PARD3B: variants seen among roughly 807,000 people sequenced by gnomAD.
PARD3B encodes partitioning defective 3 homolog B.
PARD3B carries 103 observed loss-of-function variants against 130.2 expected under a neutral mutation model. The observed-to-expected ratio is 0.79, with a 90% confidence interval of 0.67 to 0.93. The LOEUF (loss-of-function observed/expected upper bound fraction) is 0.93. Among genes scored for constraint, PARD3B ranks in the 40% least tolerant of loss-of-function variants. The pLI, the probability that PARD3B is intolerant of heterozygous loss-of-function variation, is 0.00. For synonymous variants in PARD3B, 583 were observed against 553.2 expected (o/e 1.05, Z -0.76); for missense variants, 1,609 against 1,499.2 (o/e 1.07, Z -1.21).
intron 2 of PARD3B, among the ~76,000 whole-genome samples, chr2:204,838,838 T>C (rs1040167403): frequency 6.6e-6 from 1 of 152,192 alleles, no homozygotes; most frequent in Non-Finnish European, 1.5e-5. Flanking sequence ...TGTACATCTA[T>C]TGTGTATCAA....
At chr2:205,168,320 A>AGTGTGTGTGTGTGTGT (rs1553630288) in intron 11 of PARD3B, among the ~76,000 whole-genome samples, 1 of 119,690 alleles carries the variant, frequency 8.4e-6, no homozygotes, top group Non-Finnish European at 1.7e-5. Context: ...AGAGAGAGAG[A>AGTGTGTGTGTGTGTGT]GTGTGTGTGT....
intron 16 of PARD3B, among the ~76,000 whole-genome samples, chr2:205,279,193 G>A (rs1222200539): frequency 1.3e-5 from 2 of 148,744 alleles, no homozygotes; most frequent in African/African-American, 5.0e-5. Context: ...AAGTGGTCAT[G>A]TTGCCAACAC....
chr2:204,667,655 C>T (rs2036086801), intron 1 of PARD3B, among the ~76,000 whole-genome samples: 1 of 152,124 alleles, frequency 6.6e-6, no homozygotes, highest in Non-Finnish European at 1.5e-5. Flanking sequence ...TTTTTGTGTG[C>T]ATGTGAATGT....
chr2:205,351,469 C>T lies in PARD3B; in HGVS notation c.2631-49544C>T, dbSNP rs1346940540. ...GGTGCTGGAGGGATTTTGCCAACTG[C>T]ACCTGGTGCTGAGTGAGTGGTAGCA... On this transcript the variant is annotated intron_variant, in intron 18 of 22. Coordinates refer to ENST00000406610, the MANE Select transcript of PARD3B (RefSeq NM_001302769.2). This position sits in a 1 kb window ranked among gnomAD's most constrained non-coding sequence, Gnocchi z 4.2. Among the ~76,000 whole-genome samples, 1 of 152,098 alleles carries T rather than the reference C, an allele frequency of 6.6e-6. No homozygotes were observed. Among genetic ancestry groups the T allele is most frequent in the Non-Finnish European group, 1.5e-5 (1 of 68,028 alleles).
chr2:204,823,533 A>G (rs2043448650), intron 2 of PARD3B, among the ~76,000 whole-genome samples: 1 of 152,156 alleles, frequency 6.6e-6, no homozygotes, highest in Non-Finnish European at 1.5e-5. Context: ...AAGAAATAGT[A>G]TGAGGCCCTA....
chr2:205,601,650 T>C lies in PARD3B; in HGVS notation c.3261-13806T>C, dbSNP rs1019037992. 3.3e-5 allele frequency among the ~76,000 whole-genome samples: 5 copies of C among 152,334 alleles called. No homozygotes were observed. In the East Asian group the frequency reaches 9.6e-4, roughly 29 times the overall value. On this transcript the variant is annotated intron_variant, in intron 22 of 22. Transcript: ENST00000406610. ...GTTTTGGGTTTTACATTTAGGTCTT[T>C]AATCCATCTTGAGTTAATTTTTATG...
chr2:204,639,948 A>G (rs1012181505), intron 1 of PARD3B, among the ~76,000 whole-genome samples: 1 of 152,100 alleles, frequency 6.6e-6, no homozygotes, highest in Non-Finnish European at 1.5e-5. Context: ...TGTATCTTCT[A>G]CTTGCCCTTA....
At chr2:204,985,366 G>GCTT (rs1693043040) in intron 3 of PARD3B, among the ~76,000 whole-genome samples, 1 of 152,150 alleles carries the variant, frequency 6.6e-6, no homozygotes, top group Admixed American at 6.5e-5. Context: ...AAGTGGTTGA[G>GCTT]TGGATACTAC....
At chr2:205,114,743 A>G (rs1703904272) in intron 6 of PARD3B, among the ~76,000 whole-genome samples, 1 of 110,042 alleles carries the variant, frequency 9.1e-6, no homozygotes, top group Non-Finnish European at 1.8e-5. Context: ...TGTAATTGCG[A>G]AGTCATCACC....
chr2:205,236,439 C>A (rs2039066004), intron 15 of PARD3B, among the ~76,000 whole-genome samples: 1 of 151,718 alleles, frequency 6.6e-6, no homozygotes, highest in Non-Finnish European at 1.5e-5. Flanking sequence ...ATTTGGCACA[C>A]ACACAGATGA....
At chr2:205,279,065 T>C (rs1311955071) in intron 16 of PARD3B, among the ~76,000 whole-genome samples, 7 of 51,752 alleles carry the variant, frequency 1.4e-4, no homozygotes. Flanking sequence ...AGCAAGAATC[T>C]GTCTCAAAAA....
chr2:205,180,056 A>G (rs2125771926), intron 13 of PARD3B, among the ~76,000 whole-genome samples: 1 of 152,040 alleles, frequency 6.6e-6, no homozygotes. Flanking sequence ...AACAATTTTT[A>G]CATCAGTGAA....
rs1383328719 is a variant in PARD3B, at chr2:204,573,168, G to A, written c.120+27049G>A. 3.3e-5 allele frequency among the ~76,000 whole-genome samples: 5 copies of A among 152,290 alleles called. No individual in the cohort carries two copies. In the South Asian group the frequency reaches 8.3e-4, roughly 25 times the overall value. On this transcript the variant is annotated intron_variant, in intron 1 of 22. Coordinates refer to ENST00000406610, the MANE Select transcript of PARD3B (RefSeq NM_001302769.2). ...CTCAAGTGTGATGCTGGAGTGAAAT[G>A]TAAGAGGCACTCTGAAATTGACCCA...
Position 205,371,142 on chromosome 2 carries a change from G to T in PARD3B, c.2631-29871G>T, listed in dbSNP as rs528824729. ...ATTGAAAATCATCTTGGAAAAGTGG[G>T]GATCTTTCCCATCACTCTATTAGCT... On this transcript the variant is annotated intron_variant, in intron 18 of 22. Coordinates refer to ENST00000406610, the MANE Select transcript of PARD3B (RefSeq NM_001302769.2). Among the ~76,000 whole-genome samples, 30 of 152,118 alleles carry T rather than the reference G, an allele frequency of 2.0e-4. 1 individual carries two copies. The highest frequency in any genetic ancestry group is 7.0e-4 in the African/African-American group (29 of 41,474).
At chr2:204,738,345 T>C (rs549389960) in intron 2 of PARD3B, among the ~76,000 whole-genome samples, 1 of 152,310 alleles carries the variant, frequency 6.6e-6, no homozygotes, top group South Asian at 2.1e-4. Context: ...TAAAAGGGAT[T>C]GAGATCTTGA....
intron 22 of PARD3B, among the ~76,000 whole-genome samples, chr2:205,561,053 A>G (rs773117928): frequency 1.3e-5 from 2 of 152,222 alleles, no homozygotes; most frequent in Non-Finnish European, 2.9e-5. Flanking sequence ...GTGCGCAGGT[A>G]ACTTTGAAAC....
chr2:204,998,110 G>C (rs1220362515), intron 3 of PARD3B, among the ~76,000 whole-genome samples: 1 of 148,976 alleles, frequency 6.7e-6, no homozygotes, highest in Admixed American at 6.7e-5. Flanking sequence ...AGGCAAGAAA[G>C]ACAAATATAA....
rs576039512 is a variant in PARD3B, at chr2:205,420,978, T to C, written c.2742-19392T>C. On this transcript the variant is annotated intron_variant, in intron 19 of 22. Transcript: ENST00000406610. ...CAACATGGTGAAACCCCATCTCTAC[T>C]AAAAATACAAAAATTAGCTGGATGT... 2.0e-5 allele frequency among the ~76,000 whole-genome samples: 3 copies of C among 152,098 alleles called. No homozygotes were observed. The South Asian group carries it at 6.2e-4, about 32-fold the overall frequency.
At chr2:205,403,521 A>G (rs2046321952) in intron 19 of PARD3B, among the ~76,000 whole-genome samples, 1 of 152,044 alleles carries the variant, frequency 6.6e-6, no homozygotes, top group African/African-American at 2.4e-5. Flanking sequence ...GGCAGGAAAA[A>G]AAAAACCAAA....
Sources: allele counts gnomAD v4.1 joint callset (sites outside exome capture counted in the v4.1 genomes callset), GRCh38; gene constraint gnomAD v4.1.1; non-coding constraint Gnocchi (gnomAD v3.1); transcripts MANE v1.5; gene names NCBI Gene and HGNC (gene_info 2026-07-23, HGNC 2026-07-21).